STMN2: variants seen among roughly 807,000 people sequenced by gnomAD.
STMN2 encodes stathmin-2.
In STMN2, 2 loss-of-function variants were observed where a neutral mutation model predicts 24.1. That is an observed-to-expected ratio of 0.08 (90% CI 0.03 to 0.26). The LOEUF (loss-of-function observed/expected upper bound fraction) is 0.26, where lower values mean the gene tolerates loss of function less well. Ranked by LOEUF, STMN2 falls within the 10% of genes least tolerant of loss-of-function variation. The probability of loss-of-function intolerance (pLI) is 1.00; values close to 1 mark genes in which losing one functional copy is unlikely to be tolerated. For missense variants in STMN2, 114 were observed against 213.6 expected (o/e 0.53, Z 2.91); for synonymous variants, 83 against 77.5 (o/e 1.07, Z -0.37).
intron 1 of STMN2, among the ~76,000 whole-genome samples, chr8:79,618,574 A>C (rs189551880): frequency 1.5e-3 from 235 of 152,366 alleles, no homozygotes; most frequent in Non-Finnish European, 2.9e-3. Context: ...GCAGGCAGGC[A>C]GGCAGGAGAG....
chr8:79,623,954 C>A (rs1210593215), intron 1 of STMN2, among the ~76,000 whole-genome samples: 1 of 152,008 alleles, frequency 6.6e-6, no homozygotes, highest in South Asian at 2.1e-4. Flanking sequence ...TGTGGTAGAA[C>A]AAATAAGGTA....
At chr8:79,638,785 T>C (rs1336933678) in intron 2 of STMN2, among the ~76,000 whole-genome samples, 3 of 152,166 alleles carry the variant, frequency 2.0e-5, no homozygotes, top group Non-Finnish European at 2.9e-5. Context: ...AAGAGGGGCT[T>C]ACTATTTGGA....
intron 3 of STMN2, among the ~76,000 whole-genome samples, chr8:79,647,249 T>C (rs574328305): frequency 3.3e-5 from 5 of 152,342 alleles, no homozygotes; most frequent in African/African-American, 9.6e-5. Context: ...GCTAATTATT[T>C]CTGATTATTA....
In STMN2 at chr8:79,651,526, T is replaced by C. The variant is rs143701847; in HGVS notation, c.289-3345T>C. On this transcript the variant is annotated intron_variant, in intron 3 of 4. Transcript: ENST00000220876. ...AGGCAAGAAGTATGGAAAAGTGGTGTTGCTGTATTACCTTGTAATTTCAAA... is the reference window on the plus strand; with the variant it reads ...AGGCAAGAAGTATGGAAAAGTGGTGCTGCTGTATTACCTTGTAATTTCAAA... Among the ~76,000 whole-genome samples the C allele has an allele frequency of 3.8e-3, 577 of 152,330 alleles. 7 individuals carry two copies. The highest frequency in any genetic ancestry group is 0.013 in the African/African-American group (550 of 41,566).
intron 3 of STMN2, among the ~76,000 whole-genome samples, chr8:79,654,551 T>C (rs888344105): frequency 6.6e-6 from 1 of 152,230 alleles, no homozygotes; most frequent in East Asian, 1.9e-4. Context: ...TAATTCATTA[T>C]AGCATTTTCT....
intron 1 of STMN2, among the ~76,000 whole-genome samples, chr8:79,636,166 G>A (rs948913553): frequency 6.6e-6 from 1 of 152,092 alleles, no homozygotes; most frequent in African/African-American, 2.4e-5. Flanking sequence ...GCAGTGAGCT[G>A]GGATCACACC....
At chr8:79,611,573 C>T (rs1241063354) in intron 1 of STMN2, among the ~76,000 whole-genome samples, 2 of 118,478 alleles carry the variant, frequency 1.7e-5, no homozygotes, top group Non-Finnish European at 3.7e-5. Context: ...TTTATAACGA[C>T]CTTTTTTTTT....
At chr8:79,622,573 C>A (rs1296590195) in intron 1 of STMN2, among the ~76,000 whole-genome samples, 4 of 152,108 alleles carry the variant, frequency 2.6e-5, no homozygotes, top group African/African-American at 9.7e-5. Context: ...AATAGTTAAG[C>A]ATTTTATCTA....
At chr8:79,663,865 T>C (rs1806548921) in intron 4 of STMN2, among the ~76,000 whole-genome samples, 1 of 152,182 alleles carries the variant, frequency 6.6e-6, no homozygotes, top group Non-Finnish European at 1.5e-5. Context: ...CCTCCATCAG[T>C]TCCCTCCTCA....
At chr8:79,620,708 A>G (rs978855096) in intron 1 of STMN2, among the ~76,000 whole-genome samples, 1 of 152,144 alleles carries the variant, frequency 6.6e-6, no homozygotes, top group African/African-American at 2.4e-5. Context: ...AGGAAGTACC[A>G]AGATCCACCA....
At chr8:79,650,672 GA>G (rs1265606591) in intron 3 of STMN2, among the ~76,000 whole-genome samples, 3 of 152,160 alleles carry the variant, frequency 2.0e-5, no homozygotes, top group Admixed American at 6.5e-5. Flanking sequence ...GCTACACTGT[GA>G]AAAAGGAAGC....
chr8:79,633,934 T>C (rs1483705044), intron 1 of STMN2, among the ~76,000 whole-genome samples: 1 of 152,212 alleles, frequency 6.6e-6, no homozygotes, highest in Admixed American at 6.5e-5. Context: ...GAATTTAGTT[T>C]CCTAAGGACA....
chr8:79,664,268 A>C (rs1001796735), intron 4 of STMN2, among the ~76,000 whole-genome samples: 3 of 152,246 alleles, frequency 2.0e-5, no homozygotes, highest in African/African-American at 7.2e-5. Context: ...AAATTGCATG[A>C]CAAGACAATT....
intron 3 of STMN2, among the ~76,000 whole-genome samples, chr8:79,650,718 A>T (rs1810316675): frequency 6.6e-6 from 1 of 152,192 alleles, no homozygotes; most frequent in African/African-American, 2.4e-5. Context: ...GGGGTAGCAG[A>T]GACCTCAGGA....
At chr8:79,640,822 AG>A (rs1166588801) in intron 2 of STMN2, among the ~76,000 whole-genome samples, 1 of 152,234 alleles carries the variant, frequency 6.6e-6, no homozygotes, top group Non-Finnish European at 1.5e-5. Flanking sequence ...CCAACTGTTC[AG>A]GGAGTTACAT....
chr8:79,639,993 A>G (rs1016040629), intron 2 of STMN2, among the ~76,000 whole-genome samples: 4 of 152,196 alleles, frequency 2.6e-5, no homozygotes, highest in African/African-American at 7.2e-5. Context: ...CGAGGTCAGG[A>G]GTTCGAGACC....
chr8:79,654,012 C>T (rs937671179), intron 3 of STMN2, among the ~76,000 whole-genome samples: 1 of 152,160 alleles, frequency 6.6e-6, no homozygotes, highest in Non-Finnish European at 1.5e-5. Flanking sequence ...AAAAGGTAGA[C>T]TGGACTACCT....
chr8:79,636,245 T>G (rs886415892), intron 1 of STMN2, among the ~76,000 whole-genome samples: 1 of 151,916 alleles, frequency 6.6e-6, no homozygotes, highest in African/African-American at 2.4e-5. Context: ...AAAGAAAAGA[T>G]GGACAGATAA....
chr8:79,620,293 A>G (rs1383781437), intron 1 of STMN2, among the ~76,000 whole-genome samples: 1 of 151,192 alleles, frequency 6.6e-6, no homozygotes, highest in Non-Finnish European at 1.5e-5. Context: ...TATTTCATAC[A>G]TATATACACA....
Sources: allele counts gnomAD v4.1 joint callset (sites outside exome capture counted in the v4.1 genomes callset), GRCh38; gene constraint gnomAD v4.1.1; transcripts MANE v1.5; gene names NCBI Gene and HGNC (gene_info 2026-07-23, HGNC 2026-07-21).